The following SPATA1 variants were observed in gnomAD, a reference collection of about 807,000 sequenced individuals.
SPATA1 encodes spermatogenesis-associated protein 1.
A neutral mutation model predicts 59.6 loss-of-function variants in SPATA1; 57 were observed. The ratio of observed to expected loss-of-function variants is 0.96; its 90% CI spans 0.77 to 1.19. SPATA1 has a LOEUF of 1.19. SPATA1 is among the 50% of genes most tolerant of loss of function. The probability of loss-of-function intolerance (pLI) is 0.00; values close to 1 mark genes in which losing one functional copy is unlikely to be tolerated. For missense variants in SPATA1, 448 were observed against 480.7 expected (o/e 0.93, Z 0.64); for synonymous variants, 147 against 163.9 (o/e 0.90, Z 0.79).
chr1:84,534,813 C>T (rs1683607380), intron 8 of SPATA1, among the ~76,000 whole-genome samples: 1 of 152,068 alleles, frequency 6.6e-6, no homozygotes, highest in Admixed American at 6.5e-5. Context: ...GTCTTTCATA[C>T]CCATTGGACA....
At chr1:84,524,959 C>T (rs1683158289) in intron 4 of SPATA1, among the ~76,000 whole-genome samples, 1 of 151,406 alleles carries the variant, frequency 6.6e-6, no homozygotes, top group African/African-American at 2.4e-5. Flanking sequence ...AGTATGCCCT[C>T]AGTATTTGTG....
At chr1:84,560,241 T>C (rs918048858) in intron 4 of SPATA1, among the ~76,000 whole-genome samples, 11 of 152,280 alleles carry the variant, frequency 7.2e-5, no homozygotes, top group Admixed American at 5.9e-4. Flanking sequence ...AATGTTACTC[T>C]AACCTTTCCC....
intron 8 of SPATA1, among the ~76,000 whole-genome samples, chr1:84,537,771 G>C (rs1048902962): frequency 2.0e-5 from 3 of 152,190 alleles, no homozygotes; most frequent in African/African-American, 7.2e-5. Flanking sequence ...TCCACCAATA[G>C]GGTGGAGGTT....
chr1:84,567,196 T>C (rs1421361518), downstream of SPATA1, among the ~76,000 whole-genome samples: 1 of 152,236 alleles, frequency 6.6e-6, no homozygotes, highest in African/African-American at 2.4e-5. Context: ...CCCTTTATAA[T>C]TCCGTGAATA....
At chr1:84,542,012 C>G (rs1683925374) in intron 8 of SPATA1, among the ~76,000 whole-genome samples, 1 of 152,024 alleles carries the variant, frequency 6.6e-6, no homozygotes, top group South Asian at 2.1e-4. Flanking sequence ...CTCTCTTGCC[C>G]AGGCCTGACT....
intron 2 of SPATA1, among the ~76,000 whole-genome samples, chr1:84,519,413 C>T (rs946960981): frequency 3.3e-5 from 5 of 151,712 alleles, no homozygotes; most frequent in African/African-American, 1.2e-4. Context: ...ATTTTTTCAA[C>T]TACTTTGTTG....
chr1:84,521,369 C>T (rs947305608), intron 3 of SPATA1, among the ~76,000 whole-genome samples: 1 of 152,176 alleles, frequency 6.6e-6, no homozygotes, highest in Non-Finnish European at 1.5e-5. Flanking sequence ...ATCTGACTGC[C>T]TGTTGTTACT....
intron 2 of SPATA1, among the ~76,000 whole-genome samples, chr1:84,517,361 C>T (rs1682840577): frequency 1.3e-5 from 2 of 152,078 alleles, no homozygotes; most frequent in African/African-American, 4.8e-5. Context: ...CTCATCTAGT[C>T]TAACAGATTT....
intron 6 of SPATA1, among the ~76,000 whole-genome samples, chr1:84,529,667 C>T (rs1449454924): frequency 6.7e-6 from 1 of 148,244 alleles, no homozygotes; most frequent in Non-Finnish European, 1.5e-5. Context: ...CTGCAACCTC[C>T]GCCTCCCGGG....
downstream of SPATA1, chr1:84,556,045 T>TTTTTAAGATC (rs1314075316): frequency 2.0e-5 from 3 of 152,326 alleles, no homozygotes; most frequent in Admixed American, 6.5e-5. Flanking sequence ...TCAGAGTCTG[T>TTTTTAAGATC]TAGGTCTGCA....
chr1:84,516,154 T>C, intron 1 of SPATA1, 69 bp from the exon 2 acceptor site: 1 of 487,598 alleles, frequency 2.1e-6, no homozygotes, highest in East Asian at 3.7e-5. Context: ...ATTGTATATA[T>C]GTCTAAGTTT....
In SPATA1 at chr1:84,532,820, A is replaced by G. The variant is rs1271202486; in HGVS notation, c.545-40A>G. On this transcript the variant is annotated intron_variant, in intron 6 of 12. Coordinates refer to ENST00000490879, the Ensembl canonical transcript of SPATA1. ...ACGTTTATTTTACTATTTTCCTAACATTCTGAACTTTATTTGCTGTGGATG... is the reference window on the plus strand; with the variant it reads ...ACGTTTATTTTACTATTTTCCTAACGTTCTGAACTTTATTTGCTGTGGATG... 5 of 1,350,404 alleles carry G rather than the reference A, an allele frequency of 3.7e-6. No individual in the cohort carries two copies. The African/African-American group carries it at 5.8e-5, about 16-fold the overall frequency. The allele number at this position is 1,350,404 out of a possible 1,614,324, so 83.7% of individuals were successfully genotyped here.
In SPATA1 at chr1:84,525,844, G is replaced by A; in HGVS notation, c.316-1G>A. On this transcript the variant is annotated splice_acceptor_variant, in intron 5 of 12. Transcript: ENST00000490879. LOFTEE classifies it high-confidence loss of function. ...CTTTTAAAATTTCCTATATGTTTTA[G>A]GCTCTTCAACCAGAATTATATTTGC... The A allele has an allele frequency of 6.2e-7, 1 of 1,610,066 alleles. No homozygotes were observed. The highest frequency in any genetic ancestry group is 8.5e-7 in the Non-Finnish European group (1 of 1,178,866).
At chr1:84,558,589 C>A (rs974422654), downstream of SPATA1, among the ~76,000 whole-genome samples, 1 of 148,178 alleles carries the variant, frequency 6.7e-6, no homozygotes, top group African/African-American at 2.6e-5. Context: ...CCGCGCCCGG[C>A]CACTTTTTTT....
intron 8 of SPATA1, 94 bp from the exon 9 acceptor site, chr1:84,544,108 G>C: frequency 1.3e-6 from 1 of 775,012 alleles, no homozygotes; most frequent in Non-Finnish European, 2.2e-6. Context: ...TAAAAAGAAT[G>C]CATTTCTGGT....
intron 6 of SPATA1, among the ~76,000 whole-genome samples, chr1:84,528,204 T>C (rs1431229237): frequency 6.6e-6 from 1 of 152,252 alleles, no homozygotes; most frequent in African/African-American, 2.4e-5. Flanking sequence ...GTAATTGTTT[T>C]CTTGCTTTAC....
chr1:84,519,446 T>A (rs1682929072), intron 2 of SPATA1, among the ~76,000 whole-genome samples: 2 of 152,056 alleles, frequency 1.3e-5, no homozygotes. Flanking sequence ...GCCATTAAAA[T>A]GTCTTTTTTA....
At position 84,550,514 on chromosome 1, in the gene SPATA1, T is replaced by C. The variant is rs537734591; in HGVS notation, c.1208T>C (p.Leu403Pro). The change falls in exon 12 of 13, where the codon CTC (leucine) becomes CCC (proline). Residue 403 changes from leucine (L) to proline (P), a missense_variant. By Grantham distance (98) the Leu-to-Pro change is moderately conservative. Transcript: ENST00000490879. ...AAACTAGATACTGACAAAATGAAAC[T>C]CATAGTAGAAGTTAAGGTAATTTAC... 2.6e-6 allele frequency: 4 copies of C among 1,547,872 alleles called. No individual in the cohort carries two copies. In the African/African-American group the frequency reaches 5.5e-5, roughly 21 times the overall value.
chr1:84,526,016 G>C, exon 6 of SPATA1: 1 of 1,613,370 alleles, frequency 6.2e-7, no homozygotes, highest in South Asian at 1.1e-5. Context: ...ACTTGGAAGA[G>C]ATCCCAGTTT....
Sources: gnomAD v4.1 joint callset for allele counts (sites outside exome capture counted in the v4.1 genomes callset) on GRCh38, gnomAD v4.1.1 for gene constraint, MANE v1.5 for transcripts, NCBI Gene and HGNC (gene_info 2026-07-23, HGNC 2026-07-21) for gene names.